The following TIAM1 variants were observed in gnomAD, a reference collection of about 807,000 sequenced individuals.
TIAM1 encodes the protein TIAM Rac1 associated GEF 1.
A neutral mutation model predicts 163.5 loss-of-function variants in TIAM1; 65 were observed. The ratio of observed to expected loss-of-function variants is 0.40; its 90% confidence interval spans 0.33 to 0.49. TIAM1 has a LOEUF of 0.49. Among genes scored for constraint, TIAM1 ranks in the 20% least tolerant of loss-of-function variants. TIAM1 has a pLI of 0.77. For synonymous variants in TIAM1, 833 were observed against 810.1 expected (o/e 1.03, Z -0.48); for missense variants, 1,789 against 2,044.7 (o/e 0.87, Z 2.41).
At chr21:31,293,459 C>T (rs1485752597) in intron 2 of TIAM1, among the ~76,000 whole-genome samples, 1 of 152,206 alleles carries the variant, frequency 6.6e-6, no homozygotes, top group African/African-American at 2.4e-5. Context: ...ACCAAGTTGA[C>T]AGATCAAATG....
intron 8 of TIAM1, 104 bp from the exon 9 acceptor site, chr21:31,217,803 T>A: frequency 7.0e-7 from 1 of 1,428,480 alleles, no homozygotes; most frequent in Non-Finnish European, 9.4e-7. Flanking sequence ...CCCTCCTCCA[T>A]CATGCCAGCC....
Position 31,324,412 on chromosome 21 carries a change from A to G in TIAM1, c.-189+14831T>C, listed in dbSNP as rs538704974. Among the ~76,000 whole-genome samples, 205 of 152,324 alleles carry G rather than the reference A, an allele frequency of 1.3e-3. 1 individual carries two copies. Among genetic ancestry groups the G allele is most frequent in the South Asian group, 2.5e-3 (12 of 4,824 alleles). On this transcript the variant is annotated intron_variant, in intron 2 of 27. Transcript: ENST00000541036. ...CAGAGGGATGCTGTCCATGATGGTG[A>G]TAACAACAGTAATAGTAATTGACAC...
At position 31,374,611 on chromosome 21, in the gene TIAM1, G is replaced by C. The variant is rs146379005; in HGVS notation, c.-368-35189C>G. ...GGGCTGTGAAACTCAAGACTCCCTG[G>C]GACAAGCTGACACTTGCTCTGGGTT... On this transcript the variant is annotated intron_variant, in intron 2 of 28. Transcript: ENST00000286827. 5.0e-4 allele frequency among the ~76,000 whole-genome samples: 76 copies of C among 152,252 alleles called. 1 individual carries two copies. In the East Asian group the frequency reaches 0.012, roughly 24 times the overall value.
At chr21:31,438,277 C>T (rs2044289843) in intron 2 of TIAM1, among the ~76,000 whole-genome samples, 1 of 148,962 alleles carries the variant, frequency 6.7e-6, no homozygotes, top group African/African-American at 2.5e-5. Flanking sequence ...CCACAACCTC[C>T]ACCTCCCAGG....
At chr21:31,194,248 G>A (rs1460761684) in intron 13 of TIAM1, among the ~76,000 whole-genome samples, 9 of 152,028 alleles carry the variant, frequency 5.9e-5, no homozygotes, top group South Asian at 4.1e-4. Flanking sequence ...CAACGAAGCC[G>A]CTTCAGTATA....
chr21:31,375,888 A>T (rs1242073217), intron 2 of TIAM1, among the ~76,000 whole-genome samples: 1 of 151,664 alleles, frequency 6.6e-6, no homozygotes, highest in African/African-American at 2.4e-5. Flanking sequence ...TTAGCCGGGC[A>T]TGATGGTGGG....
At chr21:31,256,678 C>T (rs907935706) in intron 4 of TIAM1, among the ~76,000 whole-genome samples, 2 of 149,084 alleles carry the variant, frequency 1.3e-5, no homozygotes, top group African/African-American at 2.5e-5. Flanking sequence ...TCTCAGTATA[C>T]TCTCCTTTGA....
intron 1 of TIAM1, among the ~76,000 whole-genome samples, chr21:31,513,982 G>C (rs1289449914): frequency 6.6e-6 from 1 of 152,116 alleles, no homozygotes; most frequent in Non-Finnish European, 1.5e-5. Flanking sequence ...ACTCCAGCCT[G>C]AGCAACAAGA....
rs1219276594 is a variant in TIAM1 at position 31,120,339 on chromosome 21, A to G, written c.*29T>C. ...CAGAGTTAGGGCAGGAAGTATCTAC[A>G]CACATTCTCTACGGGGCAGGTGACG... On this transcript the variant is annotated 3_prime_UTR_variant, in exon 28 of 28. Coordinates refer to ENST00000541036, the MANE Select transcript of TIAM1 (RefSeq NM_001353694.2). This position sits in a 1 kb window ranked among gnomAD's most constrained non-coding sequence, Gnocchi z 4.2. 2 of 1,572,732 alleles carry G rather than the reference A, an allele frequency of 1.3e-6. No homozygotes were observed. The highest frequency in any genetic ancestry group is 1.7e-6 in the Non-Finnish European group (2 of 1,157,814).
At chr21:31,481,097 A>G (rs1240029383) in intron 1 of TIAM1, among the ~76,000 whole-genome samples, 3 of 152,136 alleles carry the variant, frequency 2.0e-5, no homozygotes, top group African/African-American at 7.2e-5. Context: ...CTGGTAGTCC[A>G]TGATTGAGGT....
chr21:31,415,491 C>A (rs1165140706), intron 2 of TIAM1, among the ~76,000 whole-genome samples: 1 of 152,182 alleles, frequency 6.6e-6, no homozygotes, highest in East Asian at 1.9e-4. Flanking sequence ...CATTTCTAAC[C>A]CAGCAATCAG....
chr21:31,215,282 C>A (rs568398151), intron 9 of TIAM1, among the ~76,000 whole-genome samples: 2 of 152,160 alleles, frequency 1.3e-5, no homozygotes, highest in African/African-American at 4.8e-5. Context: ...AATGACACCA[C>A]CACCTCCCAA....
chr21:31,146,698 G>A (rs1468872081), intron 20 of TIAM1, among the ~76,000 whole-genome samples, 197 bp downstream of exon 20: 1 of 132,656 alleles, frequency 7.5e-6, no homozygotes, highest in Non-Finnish European at 1.5e-5. Flanking sequence ...GCAACAGAGT[G>A]AGACTCTGTC....
intron 3 of TIAM1, among the ~76,000 whole-genome samples, chr21:31,271,988 AT>A (rs1361510104): frequency 2.0e-5 from 3 of 152,188 alleles, no homozygotes; most frequent in Admixed American, 2.0e-4. Flanking sequence ...ATGCTCCTCC[AT>A]TTATGATGGG....
chr21:31,392,526 C>T (rs976296617), intron 2 of TIAM1, among the ~76,000 whole-genome samples: 2 of 146,758 alleles, frequency 1.4e-5, no homozygotes, highest in East Asian at 4.0e-4. Context: ...GCTGAGATCG[C>T]GCCATCGCAC....
At chr21:31,193,652 G>C (rs374698043) in intron 13 of TIAM1, among the ~76,000 whole-genome samples, 1 of 152,098 alleles carries the variant, frequency 6.6e-6, no homozygotes, top group African/African-American at 2.4e-5. Flanking sequence ...GGCAGAGAGC[G>C]AGGAGAAGAA....
chr21:31,357,430 T>C (rs2076333597), intron 2 of TIAM1, among the ~76,000 whole-genome samples: 1 of 152,204 alleles, frequency 6.6e-6, no homozygotes, highest in Admixed American at 6.5e-5. Flanking sequence ...GTGATCTATC[T>C]GCATGCAGGT....
At chr21:31,487,644 G>A (rs1437446116) in intron 1 of TIAM1, among the ~76,000 whole-genome samples, 2 of 148,988 alleles carry the variant, frequency 1.3e-5, no homozygotes, top group African/African-American at 5.0e-5. Context: ...TGCAAGCTCC[G>A]CTTCCCGGGT....
intron 15 of TIAM1, among the ~76,000 whole-genome samples, chr21:31,166,522 C>T (rs1048311687): frequency 1.3e-5 from 2 of 152,186 alleles, no homozygotes. Flanking sequence ...CTGCCTCCTA[C>T]CATCCCTTTC....
Sources: gnomAD v4.1 joint callset for allele counts (sites outside exome capture counted in the v4.1 genomes callset) on GRCh38, gnomAD v4.1.1 for gene constraint, Gnocchi (gnomAD v3.1) non-coding constraint, MANE v1.5 for transcripts, NCBI Gene and HGNC (gene_info 2026-07-23, HGNC 2026-07-21) for gene names.